The following ZBTB7C variants were observed in gnomAD, a reference collection of about 807,000 sequenced individuals.
ZBTB7C encodes the protein zinc finger and BTB domain containing 7C.
In ZBTB7C, 8 loss-of-function variants were observed where a neutral mutation model predicts 25.7. The ratio of observed to expected loss-of-function variants is 0.31; its 90% CI spans 0.18 to 0.56. The LOEUF (loss-of-function observed/expected upper bound fraction) is 0.56, where lower values mean the gene tolerates loss of function less well. ZBTB7C is among the 20% of genes least tolerant of loss of function. The pLI is 0.91. For missense variants in ZBTB7C, 824 were observed against 855.2 expected, an observed-to-expected ratio of 0.96 and a Z score of 0.46; for synonymous variants, 394 against 369.0, an observed-to-expected ratio of 1.07 and a Z score of -0.78.
chr18:48,220,481 G>C (rs1375037052), intron 2 of ZBTB7C, among the ~76,000 whole-genome samples: 1 of 152,170 alleles, frequency 6.6e-6, no homozygotes, highest in African/African-American at 2.4e-5. Flanking sequence ...GTCAGGCATG[G>C]TGCTGGGGGC....
At chr18:48,293,415 A>G (rs747613470) in intron 2 of ZBTB7C, among the ~76,000 whole-genome samples, 10 of 152,212 alleles carry the variant, frequency 6.6e-5, no homozygotes, top group Non-Finnish European at 1.3e-4. Context: ...GGGTTTCAAC[A>G]TAGGAATTTT....
intron 2 of ZBTB7C, among the ~76,000 whole-genome samples, chr18:48,317,624 G>C (rs182727814): frequency 1.2e-4 from 18 of 152,308 alleles, no homozygotes; most frequent in Admixed American, 1.2e-3. Context: ...TGGCTGCCAC[G>C]TGCCAAGCTT....
chr18:48,340,949 C>T (rs924613567), intron 1 of ZBTB7C, among the ~76,000 whole-genome samples: 3 of 152,162 alleles, frequency 2.0e-5, no homozygotes, highest in Non-Finnish European at 2.9e-5. Context: ...ACAGGCATTG[C>T]GGCAGCCCCC....
At chr18:48,115,311 C>G (rs1018007895) in intron 3 of ZBTB7C, among the ~76,000 whole-genome samples, 1 of 151,932 alleles carries the variant, frequency 6.6e-6, no homozygotes, top group Non-Finnish European at 1.5e-5. Flanking sequence ...TGCAGTGGCA[C>G]GATCTTGGCT....
chr18:48,176,772 C>T (rs1568279914), intron 3 of ZBTB7C, among the ~76,000 whole-genome samples: 1 of 152,142 alleles, frequency 6.6e-6, no homozygotes, highest in Non-Finnish European at 1.5e-5. Context: ...AAATTTTTCC[C>T]AAATAAAAAA....
chr18:48,245,019 C>A (rs2043634151), intron 2 of ZBTB7C, among the ~76,000 whole-genome samples: 1 of 150,594 alleles, frequency 6.6e-6, no homozygotes. Context: ...GCACAATTCA[C>A]AATTGCAAAA....
chr18:48,214,361 T>C (rs2042774650), intron 2 of ZBTB7C, among the ~76,000 whole-genome samples: 1 of 152,220 alleles, frequency 6.6e-6, no homozygotes, highest in Non-Finnish European at 1.5e-5. Context: ...TTAACTATGC[T>C]AGGTCCCTCA....
intron 2 of ZBTB7C, among the ~76,000 whole-genome samples, chr18:48,200,956 G>A (rs2042430677): frequency 6.6e-6 from 1 of 152,174 alleles, no homozygotes; most frequent in Non-Finnish European, 1.5e-5. Flanking sequence ...GGATGAAGCA[G>A]GCCACCCCAG....
At chr18:48,202,693 C>T (rs957910459) in intron 2 of ZBTB7C, among the ~76,000 whole-genome samples, 9 of 151,954 alleles carry the variant, frequency 5.9e-5, no homozygotes, top group African/African-American at 2.2e-4. Context: ...CCACCCCCGC[C>T]GCACGCAGGC....
chr18:48,373,581 T>C (rs898368226), intron 1 of ZBTB7C, among the ~76,000 whole-genome samples: 1 of 152,180 alleles, frequency 6.6e-6, no homozygotes, highest in Non-Finnish European at 1.5e-5. Context: ...GTTTGGATCA[T>C]GGGGGCGGAT....
intron 1 of ZBTB7C, among the ~76,000 whole-genome samples, chr18:48,406,850 A>C (rs1426667935): frequency 6.6e-6 from 1 of 152,224 alleles, no homozygotes; most frequent in Non-Finnish European, 1.5e-5. Flanking sequence ...ATAGACTGAA[A>C]TCTAGCATCG....
chr18:48,217,785 G>A (rs925100193), intron 2 of ZBTB7C, among the ~76,000 whole-genome samples: 5 of 152,186 alleles, frequency 3.3e-5, no homozygotes, highest in African/African-American at 1.2e-4. Context: ...GCCCTGTCTG[G>A]CCTGACTAGA....
chr18:48,397,087 G>A (rs1317212011), intron 1 of ZBTB7C, among the ~76,000 whole-genome samples: 5 of 152,082 alleles, frequency 3.3e-5, no homozygotes, highest in Non-Finnish European at 7.4e-5. Flanking sequence ...TAAAATAAAC[G>A]GTTTTAGTAC....
intron 2 of ZBTB7C, among the ~76,000 whole-genome samples, chr18:48,289,937 G>T (rs762396378): frequency 6.6e-6 from 1 of 152,154 alleles, no homozygotes; most frequent in Non-Finnish European, 1.5e-5. Flanking sequence ...ATATAGCAGT[G>T]AAAATAAACG....
chr18:48,138,559 C>A (rs768774985), intron 3 of ZBTB7C, among the ~76,000 whole-genome samples: 6 of 152,072 alleles, frequency 3.9e-5, no homozygotes, highest in African/African-American at 1.2e-4. Flanking sequence ...TGGACTGCTG[C>A]GTGAGGGGAG....
At chr18:48,339,525 T>C (rs955605649) in intron 1 of ZBTB7C, among the ~76,000 whole-genome samples, 1 of 152,208 alleles carries the variant, frequency 6.6e-6, no homozygotes. Context: ...AGGAAACAGA[T>C]GCACAGAGAG....
At chr18:48,109,233 AGACCCTGAGTG>A (rs2039145780) in intron 3 of ZBTB7C, among the ~76,000 whole-genome samples, 1 of 152,176 alleles carries the variant, frequency 6.6e-6, no homozygotes. Flanking sequence ...CAAGCACTGC[AGACCCTGAGTG>A]GAAAGACCCC....
intron 4 of ZBTB7C, among the ~76,000 whole-genome samples, chr18:48,031,829 C>G (rs2035763654): frequency 6.6e-6 from 1 of 152,232 alleles, no homozygotes; most frequent in African/African-American, 2.4e-5. Context: ...AGGGTCATGG[C>G]AGGCCCGGGA....
intron 3 of ZBTB7C, among the ~76,000 whole-genome samples, chr18:48,156,189 T>C (rs1472594816): frequency 6.6e-6 from 1 of 152,104 alleles, no homozygotes; most frequent in East Asian, 1.9e-4. Flanking sequence ...AAAGGAAAAG[T>C]AAGAGGGAAG....
Sources: gnomAD v4.1 joint callset for allele counts (sites outside exome capture counted in the v4.1 genomes callset) on GRCh38, gnomAD v4.1.1 for gene constraint, MANE v1.5 for transcripts, NCBI Gene and HGNC (gene_info 2026-07-23, HGNC 2026-07-21) for gene names.